The following PTK2 variants were observed in gnomAD, a reference collection of about 807,000 sequenced individuals.
The protein encoded by PTK2 is protein tyrosine kinase 2, also known as focal adhesion kinase 1.
Under a neutral mutation model 150.1 loss-of-function variants are expected in PTK2, and 45 were observed. That is an observed-to-expected ratio of 0.30 (90% CI 0.24 to 0.38). PTK2 has a LOEUF of 0.38. Ranked by LOEUF, PTK2 falls within the 10% of genes least tolerant of loss-of-function variation. The probability of loss-of-function intolerance (pLI) is 1.00; values close to 1 mark genes in which losing one functional copy is unlikely to be tolerated. For missense variants in PTK2, 919 were observed against 1,307.3 expected, an observed-to-expected ratio of 0.70 and a Z score of 4.58; for synonymous variants, 432 against 449.2, an observed-to-expected ratio of 0.96 and a Z score of 0.48.
intron 23 of PTK2, among the ~76,000 whole-genome samples, 153 bp downstream of exon 26, chr8:140,717,445 A>T (rs2100040344): frequency 6.6e-6 from 1 of 152,246 alleles, no homozygotes. Flanking sequence ...ATACGAGAAG[A>T]CGAGCAAAAA....
intron 1 of PTK2, among the ~76,000 whole-genome samples, chr8:140,928,720 C>T (rs1456867682): frequency 6.6e-6 from 1 of 152,048 alleles, no homozygotes; most frequent in African/African-American, 2.4e-5. Context: ...ACTTATATAA[C>T]ATATCGAATG....
At chr8:140,960,409 C>A (rs774357210) in intron 1 of PTK2, among the ~76,000 whole-genome samples, 5 of 151,976 alleles carry the variant, frequency 3.3e-5, no homozygotes, top group Non-Finnish European at 5.9e-5. Context: ...GGGGTTTCAC[C>A]ATGTTGGCCA....
At chr8:140,700,980 G>C (rs753756674) in exon 26 of PTK2, 2 of 1,614,042 alleles carry the variant, frequency 1.2e-6, no homozygotes, top group East Asian at 2.2e-5. Flanking sequence ...AGATGGGTTG[G>C]CAACACTTGC....
chr8:140,686,633 G>A (rs775614348), exon 27 of PTK2: 15 of 1,612,752 alleles, frequency 9.3e-6, no homozygotes, highest in Non-Finnish European at 1.3e-5. Flanking sequence ...CAGGCTTACC[G>A]GACCCTGAAG....
At chr8:140,827,964 C>T (rs992493919) in intron 8 of PTK2, among the ~76,000 whole-genome samples, 4 of 152,112 alleles carry the variant, frequency 2.6e-5, no homozygotes, top group African/African-American at 9.6e-5. Context: ...CTCAGGCGTT[C>T]GAGACCAGCC....
intron 17 of PTK2, 21 bp downstream of exon 20, chr8:140,752,211 C>T: frequency 6.3e-7 from 1 of 1,589,338 alleles, no homozygotes; most frequent in Non-Finnish European, 8.6e-7. Context: ...TGGAGTTCCA[C>T]AGAAATTTCT....
At chr8:140,903,773 TG>T (rs1388708923) in intron 2 of PTK2, among the ~76,000 whole-genome samples, 2 of 152,188 alleles carry the variant, frequency 1.3e-5, no homozygotes, top group Non-Finnish European at 2.9e-5. Context: ...CAATTGTGAA[TG>T]GGAGTTCACT....
At chr8:140,783,167 G>A (rs1488377246) in intron 14 of PTK2, among the ~76,000 whole-genome samples, 1 of 152,188 alleles carries the variant, frequency 6.6e-6, no homozygotes, top group East Asian at 1.9e-4. Context: ...CTTGAGCCCA[G>A]GAGGTTGAGC....
chr8:140,665,049 T>A, intron 30 of PTK2, 52 bp from the exon 35 acceptor site: 1 of 1,481,236 alleles, frequency 6.8e-7, no homozygotes, highest in Non-Finnish European at 9.2e-7. Flanking sequence ...AGGATTTTTA[T>A]GCTTTTCAGT....
intron 27 of PTK2, among the ~76,000 whole-genome samples, chr8:140,682,810 C>G (rs1463110867): frequency 6.6e-6 from 1 of 152,036 alleles, no homozygotes; most frequent in African/African-American, 2.4e-5. Context: ...CTAATAAGTA[C>G]AAAGATACAA....
At chr8:140,807,129 C>T (rs1198211581) in intron 10 of PTK2, among the ~76,000 whole-genome samples, 2 of 152,234 alleles carry the variant, frequency 1.3e-5, no homozygotes, top group African/African-American at 4.8e-5. Context: ...AGGTGCTAGA[C>T]TGTGTTCCAA....
At position 140,752,954 on chromosome 8, in the gene PTK2, C is replaced by G. The variant is rs557380171; in HGVS notation, c.1333-638G>C. Among the ~76,000 whole-genome samples, 15 of 152,256 alleles carry G rather than the reference C, an allele frequency of 9.9e-5. 1 individual carries two copies. Among genetic ancestry groups the G allele is most frequent in the Admixed American group, 9.2e-4 (14 of 15,294 alleles). ...TGAAGATGACAGAGTCAGAGAGGAA[C>G]GGAGGGGCCAGACCACACAGGGCCT... On this transcript the variant is annotated intron_variant, in intron 16 of 31. Coordinates refer to ENST00000522684, the Ensembl canonical transcript of PTK2.
intron 1 of PTK2, among the ~76,000 whole-genome samples, chr8:140,932,812 A>G (rs570345309): frequency 2.0e-5 from 3 of 152,214 alleles, no homozygotes; most frequent in East Asian, 3.9e-4. Context: ...ACAGAAGACA[A>G]ACAAGACGGG....
chr8:140,892,181 C>G (rs969854649), intron 2 of PTK2, among the ~76,000 whole-genome samples: 1 of 152,084 alleles, frequency 6.6e-6, no homozygotes, highest in Non-Finnish European at 1.5e-5. Context: ...GCACTTCAGC[C>G]TGGACCACAG....
In PTK2 at chr8:140,919,348, T is replaced by C. The variant is rs1018342509; in HGVS notation, c.-33+6313A>G. On this transcript the variant is annotated intron_variant, in intron 2 of 31. Transcript: ENST00000522684. ...CCAGCAAACTTAATTGAAAAATAAGTTGTTTCCATCAATCACTTTGGGGTG... is the reference window on the plus strand; with the variant it reads ...CCAGCAAACTTAATTGAAAAATAAGCTGTTTCCATCAATCACTTTGGGGTG... 3.9e-5 allele frequency among the ~76,000 whole-genome samples: 6 copies of C among 152,350 alleles called. 1 individual carries two copies. The highest frequency in any genetic ancestry group is 6.8e-3 in the Middle Eastern group (2 of 294).
At chr8:140,661,483 C>T (rs1248724779) in intron 31 of PTK2, among the ~76,000 whole-genome samples, 2 of 152,222 alleles carry the variant, frequency 1.3e-5, no homozygotes, top group African/African-American at 4.8e-5. Context: ...ACAAGGAAAG[C>T]AGACCGTTCT....
chr8:140,852,467 G>A (rs2100129912), intron 5 of PTK2, among the ~76,000 whole-genome samples: 1 of 152,158 alleles, frequency 6.6e-6, no homozygotes, highest in South Asian at 2.1e-4. Context: ...AAACATTAGT[G>A]AAATCTAAAT....
At chr8:140,664,538 C>A (rs1310610592) in intron 31 of PTK2, among the ~76,000 whole-genome samples, 1 of 152,208 alleles carries the variant, frequency 6.6e-6, no homozygotes, top group East Asian at 1.9e-4. Flanking sequence ...ACAATGCCCG[C>A]CCCATTCATA....
chr8:140,832,886 G>T (rs375669663), intron 7 of PTK2: 22 of 518,842 alleles, frequency 4.2e-5, no homozygotes, highest in East Asian at 1.6e-4. Context: ...TTTCAAGAAG[G>T]CAACACACAC....
Sources: gnomAD v4.1 joint callset for allele counts (sites outside exome capture counted in the v4.1 genomes callset) on GRCh38, gnomAD v4.1.1 for gene constraint, MANE v1.5 for transcripts, NCBI Gene and HGNC (gene_info 2026-07-23, HGNC 2026-07-21) for gene names.